Variants in ASPM observed in about 807,000 individuals in gnomAD.
ASPM encodes assembly factor for spindle microtubules, also known as abnormal spindle-like microcephaly-associated protein.
ASPM carries 256 observed loss-of-function variants against 366.4 expected under a neutral mutation model. The observed-to-expected ratio is 0.70, with a 90% CI of 0.63 to 0.77. ASPM has a LOEUF of 0.77. ASPM is among the 30% of genes least tolerant of loss of function. The probability of loss-of-function intolerance (pLI) is 0.00; values close to 1 mark genes in which losing one functional copy is unlikely to be tolerated. For missense variants in ASPM, 4,146 were observed against 4,090.4 expected, an observed-to-expected ratio of 1.01 and a Z score of -0.37; for synonymous variants, 1,414 against 1,342.9, an observed-to-expected ratio of 1.05 and a Z score of -1.16.
At position 197,104,445 on chromosome 1, in the gene ASPM, A is replaced by C. The variant is rs141338163; in HGVS notation, c.4806T>G (p.Tyr1602Ter). Residue 1602 changes from tyrosine to a stop codon, truncating the protein, a stop_gained, in exon 18 of 28, where the codon TAT (tyrosine) becomes TAG (stop). Transcript: ENST00000367409. LOFTEE classifies it high-confidence loss of function. ...TAACAGCTGCTTTCTTCATCTTCTTATATTTCTGTCGTTGTTGATGTTTTC... is the reference window on the plus strand; with the variant it reads ...TAACAGCTGCTTTCTTCATCTTCTTCTATTTCTGTCGTTGTTGATGTTTTC... ...HVRKHQQRQK[Y>*]KKMKKAAVII... The C allele has an allele frequency of 1.2e-6, 2 of 1,612,904 alleles. No individual in the cohort carries two copies. The highest frequency in any genetic ancestry group is 1.7e-5 in the Admixed American group (1 of 59,794).
intron 18 of ASPM, among the ~76,000 whole-genome samples, chr1:197,098,192 TA>T (rs2125092023): frequency 6.7e-6 from 1 of 149,808 alleles, no homozygotes; most frequent in South Asian, 2.1e-4. Flanking sequence ...AGTTGATATA[TA>T]TATATATATA....
chr1:197,139,316 G>T (rs1340622651), intron 4 of ASPM: 2 of 770,014 alleles, frequency 2.6e-6, no homozygotes, highest in South Asian at 1.5e-5. Flanking sequence ...CATGTTTTTG[G>T]CCGGGCGCGG....
rs752117146 is a variant in ASPM at position 197,104,492 on chromosome 1, T to C, written c.4759A>G (p.Ile1587Val). The C allele has an allele frequency of 1.2e-6, 2 of 1,612,738 alleles. No homozygotes were observed. Among genetic ancestry groups the C allele is most frequent in the Non-Finnish European group, 1.7e-6 (2 of 1,179,332 alleles). The change falls in exon 18 of 28, where the codon ATC (isoleucine) becomes GTC (valine). Residue 1587 changes from isoleucine (I) to valine (V), a missense_variant. Around this residue, in one of 3 missense-constraint regions of ASPM, gnomAD observed 3,624 missense variants for 3,591.7 expected, o/e 1.01. Transcript: ENST00000367409. ...TTTCTTACATGTGCCTGAAATTTGA[T>C]AATAGTCTTCTTAAGGTTTAAAAAT... is the stretch of plus-strand genomic sequence containing the variant. ...VRFLNLKKTI[I>V]KFQAHVRKHQ...
intron 17 of ASPM, among the ~76,000 whole-genome samples, chr1:197,113,036 G>C (rs1209773913): frequency 6.6e-6 from 1 of 152,100 alleles, no homozygotes; most frequent in Non-Finnish European, 1.5e-5. Context: ...ATACCATGCA[G>C]CCATAAAAAA....
At position 197,096,167 on chromosome 1, in the gene ASPM, A is replaced by G. The variant is rs1416081329; in HGVS notation, c.8821-3T>C. 1 of 1,589,414 alleles carries G rather than the reference A, an allele frequency of 6.3e-7. No homozygotes were observed. Among genetic ancestry groups the G allele is most frequent in the Non-Finnish European group, 8.6e-7 (1 of 1,160,440 alleles). ...GCTCTATATCTCCTCCACATAGCCT[A>G]TTAAATACATAAATATAACAAGTAT... On this transcript the variant is annotated splice_region_variant and splice_polypyrimidine_tract_variant and intron_variant, in intron 18 of 27. Coordinates refer to ENST00000367409, the MANE Select transcript of ASPM (RefSeq NM_018136.5).
In ASPM at chr1:197,122,346, A is replaced by T. The variant is rs775571000; in HGVS notation, c.3598+42T>A. 1.9e-5 allele frequency: 31 copies of T among 1,613,392 alleles called. 1 individual carries two copies. The South Asian group carries it at 3.2e-4, about 17-fold the overall frequency. On this transcript the variant is annotated intron_variant, in intron 14 of 27. Coordinates refer to ENST00000367409, the MANE Select transcript of ASPM (RefSeq NM_018136.5). Reference sequence around the variant, plus strand: ...GAGAAATTAGCCGTAGCTTCAAATCAGACATGGCAAAAAATTGGAAAAGTA... The same window carrying T: ...GAGAAATTAGCCGTAGCTTCAAATCTGACATGGCAAAAAATTGGAAAAGTA...
intron 17 of ASPM, among the ~76,000 whole-genome samples, chr1:197,117,149 C>T (rs1445903306): frequency 3.3e-5 from 5 of 151,858 alleles, no homozygotes; most frequent in Non-Finnish European, 5.9e-5. Flanking sequence ...TAGCCAGACA[C>T]AAAAACTTTC....
Position 197,109,155 on chromosome 1 carries a change from AAGAT to A in ASPM, c.4066-3974_4066-3971del, listed in dbSNP as rs201752189. Among the ~76,000 whole-genome samples, 1,349 of 151,306 alleles carry A rather than the reference AAGAT, an allele frequency of 8.9e-3. 18 individuals are homozygous for A. Among genetic ancestry groups the A allele is most frequent in the African/African-American group, 0.029 (1,195 of 41,418 alleles). On this transcript the variant is annotated intron_variant, in intron 17 of 27. Transcript: ENST00000367409. ...AAAATAAAATAGAAATTTCCACTCTAAGATAGTATCACTGGTGAGTTGTATAAAA... is the reference window on the plus strand; with the variant it reads ...AAAATAAAATAGAAATTTCCACTCTAAGTATCACTGGTGAGTTGTATAAAA...
At chr1:197,105,965 C>A (rs906377196) in intron 17 of ASPM, among the ~76,000 whole-genome samples, 2 of 151,978 alleles carry the variant, frequency 1.3e-5, no homozygotes, top group Non-Finnish European at 2.9e-5. Flanking sequence ...TAAGACCATT[C>A]CTTTGTACAA....
intron 7 of ASPM, among the ~76,000 whole-genome samples, chr1:197,131,783 T>C (rs770660500): frequency 6.0e-5 from 9 of 151,156 alleles, no homozygotes; most frequent in African/African-American, 1.9e-4. Context: ...ATGGTCTCCA[T>C]CTCCTGACCT....
chr1:197,099,225 ATTT>A (rs751965402), intron 18 of ASPM, among the ~76,000 whole-genome samples: 1 of 140,500 alleles, frequency 7.1e-6, no homozygotes, highest in African/African-American at 2.6e-5. Context: ...TGCCAGAGTA[ATTT>A]TTTTTTTTTT....
chr1:197,134,415 CA>C (rs1456091270), intron 5 of ASPM, among the ~76,000 whole-genome samples: 2 of 49,164 alleles, frequency 4.1e-5, no homozygotes, highest in Non-Finnish European at 1.1e-4. Context: ...TTGTCTCCAA[CA>C]GCAAAAAAGA....
intron 3 of ASPM, among the ~76,000 whole-genome samples, chr1:197,141,360 T>C (rs753364509): frequency 6.6e-6 from 1 of 152,182 alleles, no homozygotes; most frequent in Non-Finnish European, 1.5e-5. Flanking sequence ...TGCAAATCTA[T>C]ATGGCCTGCA....
At chr1:197,138,921 T>C in intron 4 of ASPM, 1 of 847,974 alleles carries the variant, frequency 1.2e-6, no homozygotes, top group Non-Finnish European at 2.0e-6. Flanking sequence ...CTTGAACTTG[T>C]CCTGCAGCTC....
chr1:197,117,641 G>A, intron 17 of ASPM, 148 bp downstream of exon 17: 1 of 709,950 alleles, frequency 1.4e-6, no homozygotes, highest in Non-Finnish European at 2.3e-6. Flanking sequence ...ACCATAACGA[G>A]CTTTTCAGGT....
chr1:197,087,147 T>G (rs1469944747), intron 26 of ASPM, among the ~76,000 whole-genome samples, 175 bp from the exon 27 acceptor site: 3 of 152,070 alleles, frequency 2.0e-5, no homozygotes, highest in Non-Finnish European at 4.4e-5. Flanking sequence ...CGATCTTAGC[T>G]CAATGCAATC....
In ASPM at chr1:197,142,537, G is replaced by T. The variant is rs1658620970; in HGVS notation, c.1715C>A (p.Ala572Asp). 5 of 1,613,996 alleles carry T rather than the reference G, an allele frequency of 3.1e-6. No homozygotes were observed. Among genetic ancestry groups the T allele is most frequent in the Non-Finnish European group, 4.2e-6 (5 of 1,179,890 alleles). ...VTPSSTTASVARKRKSDGSME... is the reference protein window; with the variant it reads ...VTPSSTTASVDRKRKSDGSME... Reference sequence around the variant, plus strand: ...GCTTCCATCGCTCTTTCTTTTCCGAGCAACTGAAGCTGTTGTCGAAGAGGG... The same window carrying T: ...GCTTCCATCGCTCTTTCTTTTCCGATCAACTGAAGCTGTTGTCGAAGAGGG... Residue 572 changes from alanine to aspartate, a missense_variant, in exon 3 of 28, where the codon GCT becomes GAT. Ala to Asp is a moderately radical substitution (Grantham distance 126). This residue lies in a region of ASPM where 3,624 missense variants were observed against 3,591.7 expected (regional missense o/e 1.01). Transcript: ENST00000367409.
intron 26 of ASPM, 135 bp from the exon 27 acceptor site, chr1:197,087,107 C>T: frequency 1.3e-6 from 1 of 787,970 alleles, no homozygotes; most frequent in Non-Finnish European, 2.0e-6. Context: ...GTCTCTCTTG[C>T]TCTGTCGCCC....
chr1:197,138,492 C>T (rs1344711101), intron 4 of ASPM, among the ~76,000 whole-genome samples: 1 of 152,088 alleles, frequency 6.6e-6, no homozygotes, highest in East Asian at 1.9e-4. Flanking sequence ...GAGACAGGGC[C>T]TCATCATCCT....
Sources: gnomAD v4.1 joint callset for allele counts (sites outside exome capture counted in the v4.1 genomes callset) on GRCh38, gnomAD v4.1.1 for gene constraint, gnomAD v4.1.1 regional missense constraint, MANE v1.5 for transcripts, NCBI Gene and HGNC (gene_info 2026-07-23, HGNC 2026-07-21) for gene names.